CD99L2: variants seen among roughly 807,000 people sequenced by gnomAD.
CD99L2 encodes the protein CD99 molecule like 2, also known as CD99 antigen-like protein 2.
In CD99L2, 24 loss-of-function variants were observed where a neutral mutation model predicts 27.3. The ratio of observed to expected loss-of-function variants is 0.88; its 90% CI spans 0.64 to 1.24. The LOEUF is 1.24. CD99L2 is among the 50% of genes most tolerant of loss of function. The pLI, the probability that CD99L2 is intolerant of heterozygous loss-of-function variation, is 0.00. For synonymous variants in CD99L2, 97 were observed against 87.9 expected, an observed-to-expected ratio of 1.10 and a Z score of -0.58; for missense variants, 255 against 221.6, an observed-to-expected ratio of 1.15 and a Z score of -0.96.
chrX:150,863,587 G>T (rs61174017), intron 1 of CD99L2, among the ~76,000 whole-genome samples: 6,229 of 111,194 alleles, frequency 0.056, 152 homozygotes, highest in South Asian at 0.13. Context: ...GTGTTTTTTT[G>T]TTTGTTTGTT....
At chrX:150,843,798 A>G (rs1175065559) in intron 1 of CD99L2, among the ~76,000 whole-genome samples, 12 of 111,456 alleles carry the variant, frequency 1.1e-4, no homozygotes, top group Admixed American at 5.7e-4. Flanking sequence ...AATGGAGGCT[A>G]AGTACTCACA....
At chrX:150,824,209 AGAG>A (rs1202403907) in intron 2 of CD99L2, among the ~76,000 whole-genome samples, 1 of 59,086 alleles carries the variant, frequency 1.7e-5, no homozygotes, top group African/African-American at 6.5e-5. Context: ...AGGAGGAGGA[AGAG>A]GAGGAGGAAG....
intron 4 of CD99L2, among the ~76,000 whole-genome samples, chrX:150,800,935 A>T (rs1372480348): frequency 1.8e-5 from 2 of 109,697 alleles, no homozygotes; most frequent in African/African-American, 6.7e-5. Flanking sequence ...GGAGGCTGAG[A>T]CAGGAGATTT....
At chrX:150,778,349 G>A (rs1196132897) in intron 7 of CD99L2, among the ~76,000 whole-genome samples, 1 of 109,468 alleles carries the variant, frequency 9.1e-6, no homozygotes, top group Non-Finnish European at 1.9e-5. Flanking sequence ...GGGGTTCTCA[G>A]GGGAAACCGC....
chrX:150,789,071 A>G (rs1798842394), intron 7 of CD99L2, among the ~76,000 whole-genome samples: 1 of 107,330 alleles, frequency 9.3e-6, no homozygotes, highest in Non-Finnish European at 1.9e-5. Context: ...TTTTTTACCC[A>G]TTTTAAAATT....
chrX:150,884,372 C>G (rs1180561503), intron 1 of CD99L2, among the ~76,000 whole-genome samples: 1 of 111,741 alleles, frequency 8.9e-6, no homozygotes, highest in Non-Finnish European at 1.9e-5. Flanking sequence ...CAGTTAACAT[C>G]CTAGGATTAA....
intron 2 of CD99L2, 24 bp downstream of exon 2, chrX:150,831,207 T>C (rs1383811611): frequency 8.8e-7 from 1 of 1,132,783 alleles, no homozygotes; most frequent in Non-Finnish European, 1.2e-6. Flanking sequence ...TTGTTTTTAA[T>C]AGTTTATTTG....
intron 7 of CD99L2, among the ~76,000 whole-genome samples, chrX:150,784,935 G>A (rs782078009): frequency 4.6e-4 from 52 of 112,165 alleles, no homozygotes; most frequent in South Asian, 2.2e-3. Context: ...CTGTGCTGCA[G>A]GGCGGAGAGT....
intron 9 of CD99L2, among the ~76,000 whole-genome samples, chrX:150,771,255 G>C (rs1278651123): frequency 4.4e-5 from 5 of 112,818 alleles, no homozygotes; most frequent in African/African-American, 1.3e-4. Flanking sequence ...GCCTAAACAA[G>C]AATGCCCACC....
At chrX:150,859,438 G>A (rs2046940827) in intron 1 of CD99L2, among the ~76,000 whole-genome samples, 1 of 110,522 alleles carries the variant, frequency 9.0e-6, no homozygotes, top group South Asian at 4.0e-4. Context: ...GGGGGAGATT[G>A]CAGTGAGCCG....
At chrX:150,769,498 C>T (rs1557418878) in intron 10 of CD99L2, among the ~76,000 whole-genome samples, 1 of 112,510 alleles carries the variant, frequency 8.9e-6, no homozygotes, top group Non-Finnish European at 1.9e-5. Flanking sequence ...TGAACCCAGG[C>T]CTATTTTAGT....
intron 1 of CD99L2, among the ~76,000 whole-genome samples, chrX:150,848,118 C>G (rs115994971): frequency 9.3e-6 from 1 of 107,309 alleles, no homozygotes; most frequent in Non-Finnish European, 1.9e-5. Flanking sequence ...CAGGCCCCCC[C>G]CCCCTTGTAC....
chrX:150,831,477 G>A (rs916582075), intron 1 of CD99L2, among the ~76,000 whole-genome samples, 184 bp from the exon 2 acceptor site: 2 of 111,787 alleles, frequency 1.8e-5, no homozygotes, highest in Non-Finnish European at 3.8e-5. Context: ...GGCCAGTATT[G>A]TTAGCAAACT....
At chrX:150,774,832 T>C (rs1043449256) in intron 9 of CD99L2, among the ~76,000 whole-genome samples, 2 of 112,103 alleles carry the variant, frequency 1.8e-5, no homozygotes, top group Non-Finnish European at 3.8e-5. Flanking sequence ...TCCTTGATTT[T>C]TGATTTGAGG....
At chrX:150,822,632 T>C (rs2046258390) in intron 2 of CD99L2, among the ~76,000 whole-genome samples, 1 of 111,874 alleles carries the variant, frequency 8.9e-6, no homozygotes, top group Non-Finnish European at 1.9e-5. Context: ...GAAATATTGC[T>C]CTTCTTGTCC....
intron 1 of CD99L2, among the ~76,000 whole-genome samples, chrX:150,893,647 C>T (rs1469397421): frequency 9.2e-6 from 1 of 109,285 alleles, no homozygotes; most frequent in African/African-American, 3.3e-5. Context: ...CTATACAATT[C>T]ACCCTTTTAA....
At chrX:150,798,483 T>C (rs2045850722) in intron 4 of CD99L2, among the ~76,000 whole-genome samples, 1 of 110,802 alleles carries the variant, frequency 9.0e-6, no homozygotes, top group African/African-American at 3.3e-5. Context: ...GATAGCCACA[T>C]GCAAAGGAAT....
intron 1 of CD99L2, among the ~76,000 whole-genome samples, chrX:150,848,117 C>T (rs782785198): frequency 5.9e-4 from 63 of 107,205 alleles, no homozygotes; most frequent in Non-Finnish European, 9.9e-4. Context: ...GCAGGCCCCC[C>T]CCCCCTTGTA....
In CD99L2 at chrX:150,826,647, T is replaced by C. The variant is rs1015736609; in HGVS notation, c.130+4584A>G. ...TAGGTAAAGGATACAATGTTTCTTTTTGAAGTAATAAAAGTGTTCTAAAAC... is the reference window on the plus strand; with the variant it reads ...TAGGTAAAGGATACAATGTTTCTTTCTGAAGTAATAAAAGTGTTCTAAAAC... On this transcript the variant is annotated intron_variant, in intron 2 of 10. Coordinates refer to ENST00000370377, the MANE Select transcript of CD99L2 (RefSeq NM_031462.4). Among the ~76,000 whole-genome samples the C allele has an allele frequency of 2.7e-5, 3 of 112,007 alleles. No homozygotes were observed. In the Admixed American group the frequency reaches 2.8e-4, roughly 11 times the overall value.
Sources: allele counts gnomAD v4.1 joint callset (sites outside exome capture counted in the v4.1 genomes callset), GRCh38; gene constraint gnomAD v4.1.1; transcripts MANE v1.5; gene names NCBI Gene and HGNC (gene_info 2026-07-23, HGNC 2026-07-21).